Variants in PARP11 observed in about 807,000 individuals in gnomAD.
PARP11 encodes poly(ADP-ribose) polymerase family member 11.
PARP11 carries 31 observed loss-of-function variants against 42.9 expected under a neutral mutation model. The observed-to-expected ratio is 0.72, with a 90% confidence interval of 0.54 to 0.98. The LOEUF (loss-of-function observed/expected upper bound fraction) is 0.98. Among genes scored for constraint, PARP11 ranks in the 50% least tolerant of loss-of-function variants. PARP11 has a pLI of 0.00. For missense variants in PARP11, 365 were observed against 413.1 expected, an observed-to-expected ratio of 0.88 and a Z score of 1.01; for synonymous variants, 137 against 127.3, an observed-to-expected ratio of 1.08 and a Z score of -0.51.
chr12:3,838,108 T>C (rs542437226), intron 1 of PARP11, among the ~76,000 whole-genome samples: 63 of 149,096 alleles, frequency 4.2e-4, no homozygotes, highest in South Asian at 6.5e-4. Context: ...CTAGATCAAA[T>C]AGGCCTGTCA....
At chr12:3,860,746 A>G (rs1948280763) in intron 1 of PARP11, among the ~76,000 whole-genome samples, 1 of 152,158 alleles carries the variant, frequency 6.6e-6, no homozygotes, top group Non-Finnish European at 1.5e-5. Flanking sequence ...GACACATCAT[A>G]GCTCACTGCA....
At chr12:3,844,799 A>G (rs1407813692) in intron 1 of PARP11, among the ~76,000 whole-genome samples, 3 of 152,214 alleles carry the variant, frequency 2.0e-5, no homozygotes, top group Non-Finnish European at 2.9e-5. Flanking sequence ...GACTTTTGAT[A>G]GTTTTAAAAT....
intron 3 of PARP11, 116 bp downstream of exon 3, chr12:3,828,794 C>T: frequency 1.1e-6 from 1 of 877,754 alleles, no homozygotes; most frequent in Non-Finnish European, 1.7e-6. Context: ...TTGTATATAA[C>T]AAAAAAGATA....
At chr12:3,828,772 A>G in intron 3 of PARP11, 138 bp downstream of exon 3, 1 of 678,428 alleles carries the variant, frequency 1.5e-6, no homozygotes, top group Non-Finnish European at 2.4e-6. Context: ...TTGAATTTTT[A>G]TAGAGGTATT....
intron 1 of PARP11, chr12:3,839,408 G>A: frequency 6.3e-7 from 1 of 1,578,358 alleles, no homozygotes; most frequent in Non-Finnish European, 8.6e-7. Context: ...GGCTTGTATC[G>A]GAAACTGGTC....
At chr12:3,849,628 T>C (rs1419544593) in intron 1 of PARP11, among the ~76,000 whole-genome samples, 2 of 152,112 alleles carry the variant, frequency 1.3e-5, no homozygotes, top group African/African-American at 4.8e-5. Context: ...ACAAAGTAGA[T>C]TGGTGGTTAC....
chr12:3,854,250 T>G (rs1417065931), intron 1 of PARP11, among the ~76,000 whole-genome samples: 2 of 151,596 alleles, frequency 1.3e-5, no homozygotes, highest in Non-Finnish European at 2.9e-5. Flanking sequence ...GCAAACAAAT[T>G]CAAAAGCTAG....
intron 1 of PARP11, among the ~76,000 whole-genome samples, chr12:3,869,914 G>A (rs2138140700): frequency 6.6e-6 from 1 of 152,304 alleles, no homozygotes; most frequent in Admixed American, 6.5e-5. Flanking sequence ...ATAAGTGAGT[G>A]ACATTACATG....
intron 1 of PARP11, among the ~76,000 whole-genome samples, chr12:3,837,290 A>C (rs1418530315): frequency 6.6e-6 from 1 of 152,190 alleles, no homozygotes; most frequent in African/African-American, 2.4e-5. Context: ...CCTGAGCGTA[A>C]GGCACCATCT....
intron 1 of PARP11, chr12:3,842,337 T>C (rs1263355780): frequency 6.2e-7 from 1 of 1,610,236 alleles, no homozygotes; most frequent in Non-Finnish European, 8.5e-7. Context: ...ACAAAAGTGA[T>C]TGGGGCTATT....
chr12:3,837,451 G>C (rs1947790811), intron 1 of PARP11, among the ~76,000 whole-genome samples: 1 of 151,952 alleles, frequency 6.6e-6, no homozygotes, highest in Non-Finnish European at 1.5e-5. Flanking sequence ...ACCTATAATA[G>C]ACCCACTAAA....
intron 1 of PARP11, among the ~76,000 whole-genome samples, chr12:3,850,365 T>C (rs1948075804): frequency 6.6e-6 from 1 of 152,176 alleles, no homozygotes; most frequent in African/African-American, 2.4e-5. Flanking sequence ...CCAAAACTTT[T>C]TGAGACTTTA....
chr12:3,869,769 T>C (rs1283940332), intron 1 of PARP11, among the ~76,000 whole-genome samples: 5 of 152,262 alleles, frequency 3.3e-5, no homozygotes, highest in African/African-American at 1.2e-4. Flanking sequence ...TAAATGTATT[T>C]GCATAATTAT....
intron 4 of PARP11, among the ~76,000 whole-genome samples, chr12:3,823,784 C>T (rs1947456421): frequency 6.6e-6 from 1 of 151,866 alleles, no homozygotes; most frequent in South Asian, 2.1e-4. Context: ...GGCATGGTGG[C>T]GTGCGGCTGT....
At chr12:3,854,274 A>G (rs1591532707) in intron 1 of PARP11, among the ~76,000 whole-genome samples, 1 of 152,368 alleles carries the variant, frequency 6.6e-6, no homozygotes, top group East Asian at 1.9e-4. Flanking sequence ...AAGGCAAGAA[A>G]TAACTAAGAT....
chr12:3,833,417 C>T (rs719352), intron 1 of PARP11, among the ~76,000 whole-genome samples: 51,376 of 151,848 alleles, frequency 0.34, 10,118 homozygotes, highest in East Asian at 0.72. Context: ...CCTGGCAACA[C>T]AGTGAGACTC....
At chr12:3,848,250 C>T (rs1948036088) in intron 1 of PARP11, among the ~76,000 whole-genome samples, 1 of 152,024 alleles carries the variant, frequency 6.6e-6, no homozygotes, top group Non-Finnish European at 1.5e-5. Context: ...TTTACAGGTT[C>T]AACATAATCC....
At chr12:3,841,549 C>T (rs1377252008) in intron 1 of PARP11, 7 of 1,603,564 alleles carry the variant, frequency 4.4e-6, no homozygotes, top group Admixed American at 1.7e-5. Flanking sequence ...ATTTTCTTCA[C>T]CTCTGGTTAT....
chr12:3,843,931 A>G (rs553482619), intron 1 of PARP11, among the ~76,000 whole-genome samples: 164 of 152,346 alleles, frequency 1.1e-3, no homozygotes, highest in African/African-American at 3.9e-3. Context: ...TAATACACCT[A>G]GCCAAAACCA....
Sources: allele counts gnomAD v4.1 joint callset (sites outside exome capture counted in the v4.1 genomes callset), GRCh38; gene constraint gnomAD v4.1.1; transcripts MANE v1.5; gene names NCBI Gene and HGNC (gene_info 2026-07-23, HGNC 2026-07-21).